The following ABCB8 variants were observed in gnomAD, a reference collection of about 807,000 sequenced individuals.
ABCB8 encodes the protein mitochondrial potassium channel ATP-binding subunit.
Under a neutral mutation model 73.0 loss-of-function variants are expected in ABCB8, and 52 were observed. The observed-to-expected ratio is 0.71, with a 90% CI of 0.57 to 0.90. The LOEUF is 0.90. Ranked by LOEUF, ABCB8 falls within the 40% of genes least tolerant of loss-of-function variation. ABCB8 has a pLI of 0.00. For synonymous variants in ABCB8, 428 were observed against 423.5 expected (o/e 1.01, Z -0.13); for missense variants, 909 against 974.6 (o/e 0.93, Z 0.90).
chr7:151,042,144 G>A (rs763553223), intron 14 of ABCB8, 36 bp downstream of exon 14: 10 of 1,607,866 alleles, frequency 6.2e-6, no homozygotes, highest in South Asian at 4.4e-5. Flanking sequence ...CAGGTGGTGA[G>A]GCACTGGGAC....
chr7:151,041,301 C>T, intron 13 of ABCB8, 69 bp downstream of exon 13: 1 of 1,497,562 alleles, frequency 6.7e-7, no homozygotes, highest in Non-Finnish European at 8.9e-7. Context: ...CCCCTTAGTC[C>T]TCAGGTGCCT....
At position 151,041,092 on chromosome 7, in the gene ABCB8, T is replaced by A; in HGVS notation, c.1484-7T>A. 6.2e-7 allele frequency: 1 copy of A among 1,613,284 alleles called. No homozygotes were observed. Among genetic ancestry groups the A allele is most frequent in the Non-Finnish European group, 8.5e-7 (1 of 1,179,896 alleles). ...TGGCCTCCCTCCCTCTCAACCCAAT[T>A]CCCCAGGAAAGACCACCGTGGCTTC... On this transcript the variant is annotated splice_polypyrimidine_tract_variant and splice_region_variant and intron_variant, in intron 12 of 15. Transcript: ENST00000358849.
chr7:151,034,362 C>T lies in ABCB8; in HGVS notation c.498C>T (p.His166=), dbSNP rs1296014003. ...VEVVAKYTRD[H]VGSFMTESQN... ...TCGTGGCCAAGTACACAAGGGACCA[C>T]GTAGGGAGTTTCATGACTGAGTCCC... The change falls in exon 3 of 16, where the codon CAC becomes CAT. Residue 166 remains histidine, a synonymous_variant. Coordinates refer to ENST00000358849, the MANE Select transcript of ABCB8 (RefSeq NM_007188.5). 20 of 1,613,920 alleles carry T rather than the reference C, an allele frequency of 1.2e-5. No homozygotes were observed. The Admixed American group carries it at 1.7e-4, about 13-fold the overall frequency.
At chr7:151,040,725 C>T (rs193181069) in intron 11 of ABCB8, 91 bp downstream of exon 11, 3 of 1,601,310 alleles carry the variant, frequency 1.9e-6, no homozygotes, top group Middle Eastern at 1.7e-4. Flanking sequence ...TAATGTCCCC[C>T]ATAAACAGGC....
chr7:151,033,339 G>T, intron 1 of ABCB8: 1 of 1,195,426 alleles, frequency 8.4e-7, no homozygotes, highest in Non-Finnish European at 1.1e-6. Context: ...GCCCTGGCTG[G>T]CTGGGTGTTG....
In ABCB8 at chr7:151,044,210, C is replaced by T. The variant is rs375280513; in HGVS notation, c.2005C>T (p.Arg669Cys). Reference sequence around the variant, plus strand: ...CTGCATTGTCGTCATGGCCGATGGCCGTGTCTGGGAGGTTAGTTGTCCTGG... The same window carrying T: ...CTGCATTGTCGTCATGGCCGATGGCTGTGTCTGGGAGGTTAGTTGTCCTGG... The part of the protein sequence containing the change: ...AHCIVVMADG[R>C]VWEAGTHEEL... The change falls in exon 15 of 16, where the codon CGT becomes TGT. Residue 669 changes from arginine to cysteine, a missense_variant. Transcript: ENST00000358849. 3.9e-5 allele frequency: 63 copies of T among 1,599,074 alleles called. No individual in the cohort carries two copies. The highest frequency in any genetic ancestry group is 3.3e-4 in the Middle Eastern group (2 of 6,026).
chr7:151,041,210 A>AGGAGG lies in ABCB8; in HGVS notation c.1597_1598insAGGGG (p.Val533GlufsTer86). The AGGAGG allele has an allele frequency of 6.2e-7, 1 of 1,604,328 alleles. No homozygotes were observed. On this transcript the variant is annotated frameshift_variant, in exon 13 of 16. Transcript: ENST00000358849. LOFTEE classifies it high-confidence loss of function. ...CTTGACCCCTCCTGGCTCCGGGGCCAGGTTGTCGGCTTCATCAGCCAGGTG... is the reference window on the plus strand; with the variant it reads ...CTTGACCCCTCCTGGCTCCGGGGCCAGGAGGGGTTGTCGGCTTCATCAGCCAGGTG...
Position 151,047,494 on chromosome 7 carries a change from C to G in ABCB8, c.*2145C>G, listed in dbSNP as rs899149894. 1.3e-5 allele frequency: 2 copies of G among 152,272 alleles called. No homozygotes were observed. Among genetic ancestry groups the G allele is most frequent in the African/African-American group, 4.8e-5 (2 of 41,456 alleles). 9.4% of individuals were successfully genotyped at this position (152,272 alleles called of 1,614,324 possible). A position where few individuals can be genotyped will look rare whatever the true frequency, so the allele number is the denominator to read the frequency against. On this transcript the variant is annotated 3_prime_UTR_variant, in exon 16 of 16. Transcript: ENST00000358849. ...AAGTGTTTATTAATCAAGCACCTGT[C>G]ATGTGCCATTGAGCCCACGATGGGG...
chr7:151,040,310 C>A lies in ABCB8; in HGVS notation c.1251+9C>A. On this transcript the variant is annotated intron_variant, in intron 10 of 15. Coordinates refer to ENST00000358849, the MANE Select transcript of ABCB8 (RefSeq NM_007188.5). ...CTGTCCTGTTTGGGCAGGTGAGTGG[C>A]CGGTAGGGTGGAGGGCCTGGGGTGT... is the stretch of plus-strand genomic sequence containing the variant. The A allele has an allele frequency of 3.7e-6, 6 of 1,612,742 alleles. No homozygotes were observed. The highest frequency in any genetic ancestry group is 5.1e-6 in the Non-Finnish European group (6 of 1,179,518).
intron 9 of ABCB8, chr7:151,039,511 CCTT>C (rs1198675605): frequency 1.3e-5 from 2 of 152,692 alleles, no homozygotes; most frequent in Non-Finnish European, 2.9e-5. Context: ...CAGTGACTCA[CCTT>C]CCTCCTCAGC....
Position 151,044,155 on chromosome 7 carries a change from C to G in ABCB8, c.1950C>G (p.Ala650=). 6.2e-7 allele frequency: 1 copy of G among 1,613,932 alleles called. No homozygotes were observed. Among genetic ancestry groups the G allele is most frequent in the African/African-American group, 1.3e-5 (1 of 75,064 alleles). The change falls in exon 15 of 16, where the codon GCC becomes GCG. Residue 650 remains alanine (A), a synonymous_variant. Coordinates refer to ENST00000358849, the MANE Select transcript of ABCB8 (RefSeq NM_007188.5). ...ASAGRTVLVI[A]HRLSTVRGAH... is the part of the protein sequence containing the mutation. ...CAGGCCGCACGGTGCTGGTAATTGC[C>G]CACCGGCTCAGCACTGTCCGTGGGG...
rs571708224 is a variant in ABCB8, at chr7:151,035,513, C to A, written c.766-68C>A. The A allele has an allele frequency of 2.0e-6, 3 of 1,513,354 alleles. No individual in the cohort carries two copies. The East Asian group carries it at 6.8e-5, about 34-fold the overall frequency. The allele number at this position is 1,513,354 out of a possible 1,614,324, so 93.7% of individuals were successfully genotyped here. On this transcript the variant is annotated intron_variant, in intron 5 of 15. Transcript: ENST00000358849. ...GGAGTGCAGAGCTACAGTCAGCTGA[C>A]CCTTGGAAAAGTCCTTCCTGTCATG...
At chr7:151,035,206 C>A (rs1397413556) in intron 5 of ABCB8, among the ~76,000 whole-genome samples, 1 of 152,240 alleles carries the variant, frequency 6.6e-6, no homozygotes, top group Non-Finnish European at 1.5e-5. Flanking sequence ...CAGATGCCCT[C>A]CCCTTATCCG....
At chr7:151,042,646 G>A (rs1159371635) in intron 14 of ABCB8, among the ~76,000 whole-genome samples, 4 of 152,232 alleles carry the variant, frequency 2.6e-5, no homozygotes, top group Non-Finnish European at 5.9e-5. Context: ...ACTGCAGGGC[G>A]TGCACCTTGC....
intron 9 of ABCB8, chr7:151,037,218 G>T: frequency 1.4e-6 from 1 of 702,976 alleles, no homozygotes; most frequent in Non-Finnish European, 2.6e-6. Context: ...ACTGCGTTTT[G>T]TCACTCCACA....
intron 14 of ABCB8, 57 bp downstream of exon 14, chr7:151,042,165 A>G: frequency 1.2e-6 from 2 of 1,600,296 alleles, no homozygotes; most frequent in South Asian, 1.1e-5. Context: ...ACAGGATTCC[A>G]CAGGAGCAGT....
At chr7:151,040,756 A>G in intron 11 of ABCB8, 72 bp from the exon 12 acceptor site, 5 of 1,599,244 alleles carry the variant, frequency 3.1e-6, no homozygotes, top group Non-Finnish European at 3.4e-6. Context: ...GGCTACAGGG[A>G]GACTTCAGGA....
Position 151,047,735 on chromosome 7 carries a change from G to A in ABCB8, c.*2386G>A, listed in dbSNP as rs1043495511. On this transcript the variant is annotated 3_prime_UTR_variant, in exon 16 of 16. Transcript: ENST00000358849. ...AATGGAAAGACTGGACACCCCCAGT[G>A]CCCATCAGTGGGGGAGTCATTAAAT... is the stretch of plus-strand genomic sequence containing the variant. 6.6e-6 allele frequency: 1 copy of A among 152,284 alleles called. No homozygotes were observed. Among genetic ancestry groups the A allele is most frequent in the Non-Finnish European group, 1.5e-5 (1 of 68,058 alleles). The allele number at this position is 152,284 out of a possible 1,614,324, so 9.4% of individuals were successfully genotyped here.
rs775629760 is a variant in ABCB8 at position 151,040,526 on chromosome 7, G to A, written c.1280G>A (p.Arg427Gln). 1.5e-5 allele frequency: 24 copies of A among 1,612,908 alleles called. No homozygotes were observed. Among genetic ancestry groups the A allele is most frequent in the East Asian group, 6.7e-5 (3 of 44,846 alleles). ...QVVRGLSAGA[R>Q]VFEYMALNPC... ...GTCCGGGGGCTGAGTGCAGGTGCCC[G>A]GGTCTTTGAGTACATGGCCCTGAAC... is the stretch of plus-strand genomic sequence containing the variant. The change falls in exon 11 of 16, where the codon CGG becomes CAG. Residue 427 changes from arginine (R) to glutamine (Q), a missense_variant. By Grantham distance (43) the Arg-to-Gln change is conservative (BLOSUM62 1). Transcript: ENST00000358849.
Sources: allele counts gnomAD v4.1 joint callset (sites outside exome capture counted in the v4.1 genomes callset), GRCh38; gene constraint gnomAD v4.1.1; transcripts MANE v1.5; gene names NCBI Gene and HGNC (gene_info 2026-07-23, HGNC 2026-07-21).